Variants in ST14 observed in about 807,000 individuals in gnomAD.
ST14 encodes the protein suppressor of tumorigenicity 14 protein.
ST14 carries 40 observed loss-of-function variants against 96.5 expected under a neutral mutation model. The observed-to-expected ratio is 0.41, with a 90% CI of 0.32 to 0.54. The LOEUF (loss-of-function observed/expected upper bound fraction) is 0.54, where lower values mean the gene tolerates loss of function less well. Among genes scored for constraint, ST14 ranks in the 20% least tolerant of loss-of-function variants. The probability of loss-of-function intolerance (pLI) is 0.17; values close to 1 mark genes in which losing one functional copy is unlikely to be tolerated. For missense variants in ST14, 1,066 were observed against 1,188.9 expected (o/e 0.90, Z 1.52); for synonymous variants, 506 against 492.1 (o/e 1.03, Z -0.37).
Position 130,188,731 on chromosome 11 carries a change from C to A in ST14, c.369+74C>A. On this transcript the variant is annotated intron_variant, in intron 3 of 18. Transcript: ENST00000278742. This position sits in a 1 kb window ranked among gnomAD's most constrained non-coding sequence, Gnocchi z 5.4. ...CCACCTGCTGGGCAGGAGGGACATG[C>A]CTCGCCTGTGCTCCCAGGGCCCTGG... is the stretch of plus-strand genomic sequence containing the variant. 1 of 1,612,082 alleles carries A rather than the reference C, an allele frequency of 6.2e-7. No individual in the cohort carries two copies. The highest frequency in any genetic ancestry group is 8.5e-7 in the Non-Finnish European group (1 of 1,178,672).
rs1555154898 is a variant in ST14, at chr11:130,196,558, C to CA, written c.1224-12_1224-11insA. ...CTGTCCCTCCTCACCTTGTGCCCCG[C>CA]CCCCCCTCCAGATACTGCGGAGAGA... On this transcript the variant is annotated splice_polypyrimidine_tract_variant and intron_variant, in intron 10 of 18. Transcript: ENST00000278742. 3.7e-5 allele frequency: 55 copies of CA among 1,468,494 alleles called. No homozygotes were observed. The highest frequency in any genetic ancestry group is 5.1e-5 in the African/African-American group (2 of 39,472). The allele number at this position is 1,468,494 out of a possible 1,614,324, so 91.0% of individuals were successfully genotyped here. A position where few individuals can be genotyped will look rare whatever the true frequency, so the allele number is the denominator to read the frequency against.
Position 130,209,689 on chromosome 11 carries a change from G to A in ST14, c.2434G>A (p.Val812Met), listed in dbSNP as rs1953530785. The A allele has an allele frequency of 4.3e-6, 7 of 1,613,510 alleles. No homozygotes were observed. The highest frequency in any genetic ancestry group is 3.3e-5 in the South Asian group (3 of 91,074). Reference sequence around the variant, plus strand: ...TGATTCCGGGGGACCCCTGTCCAGCGTGGAGGCGGATGGGCGGATCTTCCA... The same window carrying A: ...TGATTCCGGGGGACCCCTGTCCAGCATGGAGGCGGATGGGCGGATCTTCCA... Reference protein sequence around the residue: ...QGDSGGPLSSVEADGRIFQAG... With the variant: ...QGDSGGPLSSMEADGRIFQAG... Residue 812 changes from valine to methionine, a missense_variant, in exon 19 of 19, where the codon GTG becomes ATG. Val to Met is a conservative substitution (Grantham distance 21). Transcript: ENST00000278742.
intron 1 of ST14, among the ~76,000 whole-genome samples, chr11:130,183,616 T>A (rs1365002654): frequency 6.6e-6 from 1 of 152,032 alleles, no homozygotes; most frequent in East Asian, 1.9e-4. Flanking sequence ...TATTGAATCA[T>A]CTAATCCATG....
At chr11:130,193,532 C>T (rs1025313655) in intron 7 of ST14, among the ~76,000 whole-genome samples, 15 of 150,216 alleles carry the variant, frequency 1.0e-4, no homozygotes, top group Admixed American at 7.3e-4. Flanking sequence ...TGCGGTGGTG[C>T]GATCTCGGCT....
At chr11:130,183,403 G>T (rs973808825) in intron 1 of ST14, among the ~76,000 whole-genome samples, 1 of 152,180 alleles carries the variant, frequency 6.6e-6, no homozygotes, top group African/African-American at 2.4e-5. Flanking sequence ...AAGTTCCAAA[G>T]ATAACATAAA....
At chr11:130,206,233 G>A (rs1004402677) in intron 16 of ST14, among the ~76,000 whole-genome samples, 1 of 152,168 alleles carries the variant, frequency 6.6e-6, no homozygotes, top group Non-Finnish European at 1.5e-5. Context: ...AGCAGTGCGC[G>A]GGCGGTGCTG....
chr11:130,165,061 A>G (rs1276454850), intron 1 of ST14, among the ~76,000 whole-genome samples: 2 of 152,030 alleles, frequency 1.3e-5, no homozygotes, highest in African/African-American at 4.8e-5. Context: ...TTACCTTTTT[A>G]TAGGTGAGGA....
intron 9 of ST14, among the ~76,000 whole-genome samples, chr11:130,195,104 C>T (rs916117124): frequency 2.6e-5 from 4 of 152,046 alleles, no homozygotes; most frequent in African/African-American, 9.7e-5. Context: ...CAAAAATTAG[C>T]CAGGCAGGTG....
chr11:130,162,155 C>A (rs1023592137), intron 1 of ST14, among the ~76,000 whole-genome samples: 9 of 152,306 alleles, frequency 5.9e-5, no homozygotes, highest in African/African-American at 2.2e-4. Flanking sequence ...CATCCGTGCA[C>A]CCTTGTTTGG....
At chr11:130,183,102 G>A (rs562667818) in intron 1 of ST14, among the ~76,000 whole-genome samples, 14 of 151,886 alleles carry the variant, frequency 9.2e-5, no homozygotes, top group South Asian at 2.1e-4. Context: ...GATTACAGGC[G>A]TCCACGACCA....
At chr11:130,200,766 C>A (rs1191830775) in intron 16 of ST14, among the ~76,000 whole-genome samples, 1 of 152,210 alleles carries the variant, frequency 6.6e-6, no homozygotes, top group Non-Finnish European at 1.5e-5. Context: ...GCAAGTTAGG[C>A]AGCTTGATTG....
intron 7 of ST14, among the ~76,000 whole-genome samples, chr11:130,193,546 T>C (rs1294124593): frequency 6.6e-6 from 1 of 151,836 alleles, no homozygotes; most frequent in Non-Finnish European, 1.5e-5. Context: ...CTCGGCTCAC[T>C]GCAACCTCCG....
At chr11:130,208,751 C>T in intron 17 of ST14, 67 bp downstream of exon 17, 1 of 1,538,648 alleles carries the variant, frequency 6.5e-7, no homozygotes, top group Non-Finnish European at 8.8e-7. Flanking sequence ...CGTGTTTCCT[C>T]TGCGTGTCCG....
At chr11:130,194,053 G>C in intron 7 of ST14, 96 bp from the exon 8 acceptor site, 1 of 1,524,820 alleles carries the variant, frequency 6.6e-7, no homozygotes, top group South Asian at 1.1e-5. Context: ...GTTAGGGGTG[G>C]GGTCCTCAGG....
rs989288257 is a variant in ST14, at chr11:130,183,480, G to A, written c.82-4634G>A. Reference sequence around the variant, plus strand: ...CCCAGCTACTCAGGAGGCTGATGCAGGAGGATTGCTTGAGCCAAGAATTCA... The same window carrying A: ...CCCAGCTACTCAGGAGGCTGATGCAAGAGGATTGCTTGAGCCAAGAATTCA... On this transcript the variant is annotated intron_variant, in intron 1 of 18. Coordinates refer to ENST00000278742, the MANE Select transcript of ST14 (RefSeq NM_021978.4). Among the ~76,000 whole-genome samples, 56 of 151,290 alleles carry A rather than the reference G, an allele frequency of 3.7e-4. No individual in the cohort carries two copies. The Middle Eastern group carries it at 0.01, about 28-fold the overall frequency.
intron 9 of ST14, 107 bp from the exon 10 acceptor site, chr11:130,196,232 A>G (rs1953361292): frequency 1.2e-6 from 1 of 821,506 alleles, no homozygotes; most frequent in East Asian, 2.7e-5. Flanking sequence ...TGGTGATGGA[A>G]GGCATACCAT....
chr11:130,163,099 G>A (rs1325733221), intron 1 of ST14, among the ~76,000 whole-genome samples: 1 of 152,098 alleles, frequency 6.6e-6, no homozygotes, highest in Non-Finnish European at 1.5e-5. Context: ...AGTTGAAAGG[G>A]ACTTGAGACA....
At chr11:130,205,871 G>T (rs1366404815) in intron 16 of ST14, among the ~76,000 whole-genome samples, 1 of 151,968 alleles carries the variant, frequency 6.6e-6, no homozygotes, top group Non-Finnish European at 1.5e-5. Context: ...GCTAATTTTT[G>T]TATTTTTAGT....
rs1024023498 is a variant in ST14 at position 130,190,097 on chromosome 11, C to A, written c.599-16C>A. ...ATTGTATCAGGAAATGCTTTATTCTCCTTCTTATTCTTCAGCCACGGACTC... is the reference window on the plus strand; with the variant it reads ...ATTGTATCAGGAAATGCTTTATTCTACTTCTTATTCTTCAGCCACGGACTC... On this transcript the variant is annotated splice_polypyrimidine_tract_variant and intron_variant, in intron 5 of 18. Coordinates refer to ENST00000278742, the MANE Select transcript of ST14 (RefSeq NM_021978.4). 6.8e-6 allele frequency: 11 copies of A among 1,614,154 alleles called. No homozygotes were observed. Among genetic ancestry groups the A allele is most frequent in the Non-Finnish European group, 9.3e-6 (11 of 1,180,014 alleles).
Sources: allele counts gnomAD v4.1 joint callset (sites outside exome capture counted in the v4.1 genomes callset), GRCh38; gene constraint gnomAD v4.1.1; non-coding constraint Gnocchi (gnomAD v3.1); transcripts MANE v1.5; gene names NCBI Gene and HGNC (gene_info 2026-07-23, HGNC 2026-07-21).